The following NF1 variants were observed in gnomAD, a reference collection of about 807,000 sequenced individuals.
NF1 encodes neurofibromin 1.
A neutral mutation model predicts 325.7 loss-of-function variants in NF1; 122 were observed. The ratio of observed to expected loss-of-function variants is 0.37; its 90% CI spans 0.32 to 0.44. The LOEUF (loss-of-function observed/expected upper bound fraction) is 0.44. Among genes scored for constraint, NF1 ranks in the 20% least tolerant of loss-of-function variants. The pLI is 1.00. For synonymous variants in NF1, 1,091 were observed against 1,186.0 expected, an observed-to-expected ratio of 0.92 and a Z score of 1.65; for missense variants, 2,140 against 3,415.4, an observed-to-expected ratio of 0.63 and a Z score of 9.31.
chr17:31,268,865 A>G (rs769353271), intron 36 of NF1, among the ~76,000 whole-genome samples: 11 of 151,632 alleles, frequency 7.3e-5, no homozygotes, highest in Non-Finnish European at 1.6e-4. Flanking sequence ...CAGCTGGCTA[A>G]TTTATTATTA....
intron 12 of NF1, among the ~76,000 whole-genome samples, chr17:31,213,515 T>C (rs1344988952): frequency 6.6e-6 from 1 of 152,228 alleles, no homozygotes; most frequent in Admixed American, 6.5e-5. Flanking sequence ...CCACAGTTGG[T>C]ACACAGTCTT....
intron 30 of NF1, chr17:31,250,850 A>G (rs2067481769): frequency 5.4e-6 from 1 of 186,114 alleles, no homozygotes; most frequent in Non-Finnish European, 1.1e-5. Context: ...ACAGTAAAAT[A>G]TCCTATATTA....
intron 1 of NF1, among the ~76,000 whole-genome samples, chr17:31,131,175 G>T: frequency 6.6e-6 from 1 of 152,200 alleles, no homozygotes. Flanking sequence ...TCCTGGCCCT[G>T]TTGCACTACA....
chr17:31,203,465 AT>A (rs1327073801), intron 11 of NF1, among the ~76,000 whole-genome samples: 1 of 152,120 alleles, frequency 6.6e-6, no homozygotes, highest in Non-Finnish European at 1.5e-5. Context: ...AGTGTGGGAA[AT>A]TGTTTCTCGT....
intron 1 of NF1, among the ~76,000 whole-genome samples, chr17:31,108,270 T>G (rs926191189): frequency 2.1e-4 from 8 of 37,380 alleles, no homozygotes; most frequent in Non-Finnish European, 1.2e-3. Context: ...GAGTTTTTTT[T>G]TTTTTTTTTT....
At chr17:31,158,155 CAT>C (rs1298515046) in intron 2 of NF1, among the ~76,000 whole-genome samples, 1 of 152,154 alleles carries the variant, frequency 6.6e-6, no homozygotes, top group Non-Finnish European at 1.5e-5. Context: ...TTAGCTTCCA[CAT>C]ATGAGTGAGA....
intron 1 of NF1, among the ~76,000 whole-genome samples, chr17:31,143,443 G>GTT (rs372755775): frequency 1.3e-4 from 20 of 151,080 alleles, no homozygotes; most frequent in African/African-American, 4.6e-4. Flanking sequence ...ATTTTTAAAT[G>GTT]TTTTTTTTGT....
rs1375505953 is a variant in NF1, at chr17:31,327,113, C to T, written c.5269-386C>T. 2.0e-5 allele frequency among the ~76,000 whole-genome samples: 3 copies of T among 151,894 alleles called. No individual in the cohort carries two copies. The South Asian group carries it at 6.2e-4, about 32-fold the overall frequency. On this transcript the variant is annotated intron_variant, in intron 37 of 57. Transcript: ENST00000358273. ...CCTCCCCAGTAGCTGGGATTATAGG[C>T]GCCCACCGCCACGGCAGGCTAGTTT...
chr17:31,095,482 A>T lies in NF1; in HGVS notation c.60+113A>T, dbSNP rs943402513. ...CGCGGCTGCCTCAGGCTCTGGAGGA[A>T]AGGAAGGGAAGGGAAGAGAAGGGAA... On this transcript the variant is annotated intron_variant, in intron 1 of 57. Transcript: ENST00000358273. 3 of 867,996 alleles carry T rather than the reference A, an allele frequency of 3.5e-6. No individual in the cohort carries two copies. In the Admixed American group the frequency reaches 8.6e-5, roughly 25 times the overall value. The allele number at this position is 867,996 out of a possible 1,614,324, so 53.8% of individuals were successfully genotyped here. A position where few individuals can be genotyped will look rare whatever the true frequency, so the allele number is the denominator to read the frequency against.
At chr17:31,159,922 C>T (rs1467895326) in intron 3 of NF1, among the ~76,000 whole-genome samples, 1 of 151,992 alleles carries the variant, frequency 6.6e-6, no homozygotes, top group Non-Finnish European at 1.5e-5. Flanking sequence ...TTGCAGTTCT[C>T]TATAGTGAAA....
chr17:31,369,988 C>T (rs763973700), intron 57 of NF1, among the ~76,000 whole-genome samples: 13 of 151,924 alleles, frequency 8.6e-5, no homozygotes, highest in African/African-American at 2.4e-4. Context: ...TTGGTGTAAA[C>T]GTAATGCATT....
intron 1 of NF1, among the ~76,000 whole-genome samples, chr17:31,096,370 A>G (rs1911723119): frequency 6.6e-6 from 1 of 151,984 alleles, no homozygotes; most frequent in Non-Finnish European, 1.5e-5. Context: ...ATTTGGGATG[A>G]AAAAAAAGTT....
chr17:31,225,990 G>T (rs1182835338), intron 17 of NF1, among the ~76,000 whole-genome samples: 1 of 152,100 alleles, frequency 6.6e-6, no homozygotes, highest in East Asian at 1.9e-4. Flanking sequence ...AATGAGTGCT[G>T]CAGTGTACTT....
rs762672422 is a variant in NF1, at chr17:31,261,785, A to G, written c.4652A>G (p.His1551Arg). The G allele has an allele frequency of 6.2e-7, 1 of 1,612,566 alleles. No homozygotes were observed. The highest frequency in any genetic ancestry group is 1.3e-5 in the African/African-American group (1 of 74,890). ...TLLAYLGPPE[H>R]KPVADTHWSS... is the part of the protein sequence containing the mutation. Reference sequence around the variant, plus strand: ...CTTGCATACCTGGGTCCTCCAGAGCACAAACCTGTGGCAGATACACACTGG... The same window carrying G: ...CTTGCATACCTGGGTCCTCCAGAGCGCAAACCTGTGGCAGATACACACTGG... The change falls in exon 35 of 58, where the codon CAC becomes CGC. Residue 1551 changes from histidine to arginine, a missense_variant. By Grantham distance (29) the His-to-Arg change is conservative. Around this residue, in one of 10 missense-constraint regions of NF1, gnomAD observed 103 missense variants for 214.6 expected, o/e 0.48. Coordinates refer to ENST00000358273, the MANE Select transcript of NF1 (RefSeq NM_001042492.3).
intron 36 of NF1, among the ~76,000 whole-genome samples, chr17:31,276,167 C>T (rs12945832): frequency 0.55 from 78,697 of 144,328 alleles, 24,639 homozygotes; most frequent in Middle Eastern, 0.76. Context: ...TGAGATCGCA[C>T]CACTGCACTC....
intron 29 of NF1, among the ~76,000 whole-genome samples, chr17:31,244,868 G>A (rs1013129356): frequency 6.6e-6 from 1 of 152,188 alleles, no homozygotes; most frequent in Non-Finnish European, 1.5e-5. Flanking sequence ...GACGATCCCT[G>A]GAGGCCTCCA....
chr17:31,184,069 A>T (rs1222936243), intron 8 of NF1, among the ~76,000 whole-genome samples: 1 of 152,068 alleles, frequency 6.6e-6, no homozygotes, highest in Non-Finnish European at 1.5e-5. Context: ...TTAAGGATGG[A>T]GTTTCTTAGT....
chr17:31,175,345 C>CTTT (rs869113407), intron 5 of NF1, among the ~76,000 whole-genome samples: 142 of 71,348 alleles, frequency 2.0e-3, no homozygotes, highest in African/African-American at 2.4e-3. Flanking sequence ...TGTGCTTTTG[C>CTTT]TTTTTTTTTT....
intron 4 of NF1, 80 bp from the exon 5 acceptor site, chr17:31,169,811 G>A: frequency 1.0e-6 from 1 of 994,600 alleles, no homozygotes; most frequent in Non-Finnish European, 1.6e-6. Context: ...CTCCTGAAGT[G>A]CTGGGATTAC....
Sources: allele counts gnomAD v4.1 joint callset (sites outside exome capture counted in the v4.1 genomes callset), GRCh38; gene constraint gnomAD v4.1.1; regional missense constraint gnomAD v4.1.1; transcripts MANE v1.5; gene names NCBI Gene and HGNC (gene_info 2026-07-23, HGNC 2026-07-21).